Variants in RCSD1 observed in about 807,000 individuals in gnomAD.
The protein encoded by RCSD1 is capZ-interacting protein.
A neutral mutation model predicts 42.5 loss-of-function variants in RCSD1; 26 were observed. The ratio of observed to expected loss-of-function variants is 0.61; its 90% CI spans 0.45 to 0.85. RCSD1 has a LOEUF of 0.85. Among genes scored for constraint, RCSD1 ranks in the 40% least tolerant of loss-of-function variants. The pLI is 0.00. For missense variants in RCSD1, 571 were observed against 528.3 expected, an observed-to-expected ratio of 1.08 and a Z score of -0.79; for synonymous variants, 220 against 212.2, an observed-to-expected ratio of 1.04 and a Z score of -0.32.
At chr1:167,689,492 A>G (rs928995983) in intron 3 of RCSD1, among the ~76,000 whole-genome samples, 4 of 148,452 alleles carry the variant, frequency 2.7e-5, no homozygotes, top group Admixed American at 6.6e-5. Flanking sequence ...AAAAAAAAAA[A>G]AAAAAGAAAA....
At chr1:167,687,176 C>CT (rs1424707165) in intron 3 of RCSD1, among the ~76,000 whole-genome samples, 1 of 152,190 alleles carries the variant, frequency 6.6e-6, no homozygotes, top group Non-Finnish European at 1.5e-5. Flanking sequence ...TGACAGGCTG[C>CT]TCGCACATTG....
At chr1:167,663,605 A>G (rs1293454522) in intron 1 of RCSD1, 4 of 152,274 alleles carry the variant, frequency 2.6e-5, no homozygotes, top group Non-Finnish European at 4.4e-5. Context: ...AAAGACTCCC[A>G]TTTGTAAATT....
chr1:167,633,390 GA>G (rs2102191245), intron 1 of RCSD1, among the ~76,000 whole-genome samples: 1 of 152,334 alleles, frequency 6.6e-6, no homozygotes, highest in African/African-American at 2.4e-5. Context: ...GGGTAAGGTG[GA>G]GAAGGTATAA....
At chr1:167,692,227 G>A (rs1313414648) in intron 4 of RCSD1, among the ~76,000 whole-genome samples, 2 of 152,178 alleles carry the variant, frequency 1.3e-5, no homozygotes, top group Non-Finnish European at 2.9e-5. Context: ...GAAATGCGTC[G>A]CCAGCTAGAT....
rs866655708 is a variant in RCSD1, at chr1:167,689,235, C to T, written c.199-814C>T. Reference sequence around the variant, plus strand: ...GGGCGTGGTGGCTCACGCCTGTAATCCCAGCACTTTGGGAGGTGGGTGGAT... The same window carrying T: ...GGGCGTGGTGGCTCACGCCTGTAATTCCAGCACTTTGGGAGGTGGGTGGAT... On this transcript the variant is annotated intron_variant, in intron 3 of 6. Transcript: ENST00000367854. Among the ~76,000 whole-genome samples, 5 of 152,170 alleles carry T rather than the reference C, an allele frequency of 3.3e-5. 1 individual carries two copies. In the South Asian group the frequency reaches 1.0e-3, roughly 32 times the overall value.
intron 1 of RCSD1, among the ~76,000 whole-genome samples, chr1:167,672,757 C>T (rs903438608): frequency 6.6e-6 from 1 of 152,214 alleles, no homozygotes; most frequent in East Asian, 1.9e-4. Context: ...GTTCCAGGGA[C>T]TAGGATGAGG....
At chr1:167,634,672 T>G (rs1657789506) in intron 1 of RCSD1, among the ~76,000 whole-genome samples, 1 of 152,200 alleles carries the variant, frequency 6.6e-6, no homozygotes, top group African/African-American at 2.4e-5. Context: ...TTTCGCTGAC[T>G]AAATCCTTTG....
chr1:167,703,182 T>C (rs979648120), intron 6 of RCSD1, among the ~76,000 whole-genome samples: 28 of 152,152 alleles, frequency 1.8e-4, no homozygotes, highest in African/African-American at 6.3e-4. Flanking sequence ...CCCTATTTCT[T>C]CTCAGTTCTT....
At chr1:167,689,002 G>A (rs551455316) in intron 3 of RCSD1, among the ~76,000 whole-genome samples, 14 of 152,124 alleles carry the variant, frequency 9.2e-5, no homozygotes, top group African/African-American at 2.9e-4. Context: ...TATGGATCCC[G>A]AAGGCAGACA....
chr1:167,677,775 A>G (rs1014551539), intron 1 of RCSD1, among the ~76,000 whole-genome samples: 2 of 152,196 alleles, frequency 1.3e-5, no homozygotes, highest in African/African-American at 4.8e-5. Context: ...TTTGTCCCGC[A>G]CCTGTGAAGA....
chr1:167,661,436 T>G (rs1658539930), intron 1 of RCSD1, among the ~76,000 whole-genome samples: 1 of 152,264 alleles, frequency 6.6e-6, no homozygotes, highest in African/African-American at 2.4e-5. Flanking sequence ...CTGGCCTCAC[T>G]GCCAGCACTG....
chr1:167,654,654 A>G (rs1433937965), intron 1 of RCSD1, among the ~76,000 whole-genome samples: 3 of 152,202 alleles, frequency 2.0e-5, no homozygotes, highest in Non-Finnish European at 4.4e-5. Context: ...TATATAAACC[A>G]AGAAAAGTCA....
intron 4 of RCSD1, among the ~76,000 whole-genome samples, chr1:167,692,566 T>G (rs1167610146): frequency 6.6e-6 from 1 of 152,012 alleles, no homozygotes; most frequent in Non-Finnish European, 1.5e-5. Context: ...TTGCCCTGGA[T>G]GGACTCAAAG....
intron 1 of RCSD1, among the ~76,000 whole-genome samples, chr1:167,633,289 C>T (rs994323676): frequency 6.6e-6 from 1 of 152,158 alleles, no homozygotes; most frequent in African/African-American, 2.4e-5. Context: ...TCTTCAAATG[C>T]ATAAATGCCA....
intron 3 of RCSD1, 148 bp from the exon 4 acceptor site, chr1:167,689,901 C>G (rs1659334340): frequency 5.7e-6 from 4 of 696,324 alleles, no homozygotes; most frequent in Non-Finnish European, 1.0e-5. Flanking sequence ...GTCGCCCAGG[C>G]CCTAATGAAG....
chr1:167,674,491 C>T (rs547143670), intron 1 of RCSD1, among the ~76,000 whole-genome samples: 2 of 152,216 alleles, frequency 1.3e-5, no homozygotes, highest in Admixed American at 6.5e-5. Flanking sequence ...CGTTTACATA[C>T]ATGTCACCTA....
At position 167,644,401 on chromosome 1, in the gene RCSD1, C is replaced by T. The variant is rs547596515; in HGVS notation, c.6+13972C>T. ...GGCTGAGACAGGAGAATTGCTTGAACCCAGGAGGCAGAAGTTGCAGTAAGC... is the reference window on the plus strand; with the variant it reads ...GGCTGAGACAGGAGAATTGCTTGAATCCAGGAGGCAGAAGTTGCAGTAAGC... On this transcript the variant is annotated intron_variant, in intron 1 of 6. Coordinates refer to ENST00000367854, the MANE Select transcript of RCSD1 (RefSeq NM_052862.4). 3.4e-4 allele frequency among the ~76,000 whole-genome samples: 52 copies of T among 152,202 alleles called. 1 individual carries two copies. The highest frequency in any genetic ancestry group is 6.8e-3 in the Middle Eastern group (2 of 294).
intron 1 of RCSD1, among the ~76,000 whole-genome samples, chr1:167,645,705 A>C (rs1658119717): frequency 6.6e-6 from 1 of 152,216 alleles, no homozygotes; most frequent in South Asian, 2.1e-4. Context: ...GGGAACTGTG[A>C]GTGCCCTAAG....
chr1:167,689,475 T>C (rs57519379), intron 3 of RCSD1, among the ~76,000 whole-genome samples: 1,647 of 140,910 alleles, frequency 0.012, 29 homozygotes, highest in African/African-American at 0.045. Context: ...AGCAGGACTC[T>C]GTCTCAAAAA....
Sources: allele counts gnomAD v4.1 joint callset (sites outside exome capture counted in the v4.1 genomes callset), GRCh38; gene constraint gnomAD v4.1.1; transcripts MANE v1.5; gene names NCBI Gene and HGNC (gene_info 2026-07-23, HGNC 2026-07-21).